Variants in FAM72B observed in about 807,000 individuals in gnomAD.
The protein encoded by FAM72B is RUMY family member 2.
A neutral mutation model predicts 12.6 loss-of-function variants in FAM72B; 4 were observed. The ratio of observed to expected loss-of-function variants is 0.32; its 90% confidence interval spans 0.16 to 0.73. The LOEUF is 0.73. Among genes scored for constraint, FAM72B ranks in the 30% least tolerant of loss-of-function variants. FAM72B has a pLI of 0.67. For missense variants in FAM72B, 61 were observed against 158.4 expected (o/e 0.39, Z 3.30); for synonymous variants, 13 against 53.9 (o/e 0.24, Z 3.32).
At position 121,183,506 on chromosome 1, in the gene FAM72B, T is replaced by C; in HGVS notation, c.-17A>G. The C allele has an allele frequency of 1.3e-6, 2 of 1,520,494 alleles. No homozygotes were observed. The highest frequency in any genetic ancestry group is 1.8e-6 in the Non-Finnish European group (2 of 1,138,122). The allele number at this position is 1,520,494 out of a possible 1,614,324, so 94.2% of individuals were successfully genotyped here. ...GGTAGACATGGCGTCGCAGGAAGGA[T>C]GAGGTGTGGGATTTTGAAAAAGGAA... is the stretch of plus-strand genomic sequence containing the variant. On this transcript the variant is annotated 5_prime_UTR_variant, in exon 1 of 4. Transcript: ENST00000369390.
chr1:121,173,184 A>ATTTT (rs199877959), intron 3 of FAM72B, among the ~76,000 whole-genome samples: 17 of 125,554 alleles, frequency 1.4e-4, no homozygotes, highest in African/African-American at 4.8e-4. Context: ...TACTAAAATA[A>ATTTT]TTTTTTTTTT....
At chr1:121,172,562 A>T (rs1422103085) in intron 3 of FAM72B, among the ~76,000 whole-genome samples, 3 of 146,818 alleles carry the variant, frequency 2.0e-5, no homozygotes, top group Non-Finnish European at 4.4e-5. Context: ...CAGGAGGTCG[A>T]GACCAGCCTG....
At chr1:121,180,948 T>C (rs376831122) in intron 2 of FAM72B, among the ~76,000 whole-genome samples, 1,614 of 152,274 alleles carry the variant, frequency 0.011, 18 homozygotes, top group South Asian at 0.037. Flanking sequence ...CAAGATCACA[T>C]AGAGAGTAAG....
intron 2 of FAM72B, among the ~76,000 whole-genome samples, chr1:121,179,769 A>T (rs1402723565): frequency 2.8e-5 from 4 of 144,330 alleles, no homozygotes; most frequent in Admixed American, 2.7e-4. Flanking sequence ...CGGAGGTTGC[A>T]GTAAGCTGAG....
Position 121,183,578 on chromosome 1 carries a change from A to C in FAM72B, c.-89T>G. The C allele has an allele frequency of 6.2e-7, 1 of 1,610,304 alleles. No homozygotes were observed. On this transcript the variant is annotated 5_prime_UTR_variant, in exon 1 of 4. Coordinates refer to ENST00000369390, the MANE Select transcript of FAM72B (RefSeq NM_001100910.2). ...TTTTGATTCCCCTAGGCTAAAATTCAAGTTGCGGGACCTAGAGCTTTTCTA... is the reference window on the plus strand; with the variant it reads ...TTTTGATTCCCCTAGGCTAAAATTCCAGTTGCGGGACCTAGAGCTTTTCTA...
At chr1:121,174,325 G>A (rs1476340480) in intron 3 of FAM72B, among the ~76,000 whole-genome samples, 1 of 151,578 alleles carries the variant, frequency 6.6e-6, no homozygotes, top group Non-Finnish European at 1.5e-5. Flanking sequence ...CTAAGATTAT[G>A]GATGAAGGTG....
intron 3 of FAM72B, among the ~76,000 whole-genome samples, chr1:121,175,138 G>A (rs1351042652): frequency 2.0e-5 from 3 of 151,996 alleles, no homozygotes; most frequent in Admixed American, 6.6e-5. Context: ...AAATTTCTAG[G>A]GTTCTTAGGA....
chr1:121,174,930 G>A (rs1362828229), intron 3 of FAM72B, among the ~76,000 whole-genome samples: 1 of 152,092 alleles, frequency 6.6e-6, no homozygotes, highest in African/African-American at 2.4e-5. Flanking sequence ...TTATAGGCGT[G>A]AACCACTGCA....
intron 2 of FAM72B, among the ~76,000 whole-genome samples, chr1:121,180,633 G>A (rs1258861040): frequency 6.6e-6 from 1 of 151,754 alleles, no homozygotes; most frequent in African/African-American, 2.4e-5. Context: ...GCTGAGGAGA[G>A]AGGATCACTT....
At chr1:121,180,840 C>T (rs1654317938) in intron 2 of FAM72B, among the ~76,000 whole-genome samples, 1 of 151,978 alleles carries the variant, frequency 6.6e-6, no homozygotes, top group African/African-American at 2.4e-5. Context: ...GCCTGAGCAA[C>T]AGTATGAGAC....
At chr1:121,182,026 A>G (rs587605882) in intron 1 of FAM72B, among the ~76,000 whole-genome samples, 5 of 152,240 alleles carry the variant, frequency 3.3e-5, no homozygotes, top group African/African-American at 1.2e-4. Context: ...TGACTGCCCT[A>G]TTACTTACCA....
chr1:121,180,313 A>G (rs1398898940), intron 2 of FAM72B, among the ~76,000 whole-genome samples: 2 of 94,054 alleles, frequency 2.1e-5, no homozygotes, highest in African/African-American at 5.4e-5. Context: ...AGGCCGAGGC[A>G]GGCGGATCAC....
chr1:121,181,749 A>G (rs1389884392), intron 1 of FAM72B, among the ~76,000 whole-genome samples: 1 of 151,970 alleles, frequency 6.6e-6, no homozygotes, highest in Non-Finnish European at 1.5e-5. Flanking sequence ...CGCTTGATTT[A>G]GCACAAATTT....
chr1:121,170,176 G>T (rs1570677965), intron 3 of FAM72B, among the ~76,000 whole-genome samples: 1 of 149,906 alleles, frequency 6.7e-6, no homozygotes, highest in East Asian at 2.0e-4. Flanking sequence ...TCACCACGTT[G>T]GTCAGGGTGG....
In FAM72B at chr1:121,177,225, T is replaced by C. The variant is rs1654232142; in HGVS notation, c.338A>G (p.Asn113Ser). 1 of 1,610,554 alleles carries C rather than the reference T, an allele frequency of 6.2e-7. No individual in the cohort carries two copies. The highest frequency in any genetic ancestry group is 1.1e-5 in the South Asian group (1 of 90,900). ...TTTCTTACCTGTGGAGTCTAGTCTG[T>C]TAATATCATAAACTGCCTGGCTGTG... ...MFHSQAVYDI[N>S]RLDSTGVNIL... The change falls in exon 3 of 4, where the codon AAC (asparagine) becomes AGC (serine). Residue 113 changes from asparagine to serine, a missense_variant. Asn to Ser is a conservative substitution (Grantham distance 46, BLOSUM62 1). Around this residue, in one of 2 missense-constraint regions of FAM72B, gnomAD observed 49 missense variants for 80.4 expected, o/e 0.61. Coordinates refer to ENST00000369390, the MANE Select transcript of FAM72B (RefSeq NM_001100910.2).
chr1:121,179,407 A>C (rs1654282454), intron 2 of FAM72B, among the ~76,000 whole-genome samples: 2 of 148,376 alleles, frequency 1.3e-5, no homozygotes, highest in South Asian at 2.2e-4. Context: ...GTCGTTGCCC[A>C]GGTGCGGTGG....
At chr1:121,178,682 G>C (rs1174044183) in intron 2 of FAM72B, among the ~76,000 whole-genome samples, 1 of 151,562 alleles carries the variant, frequency 6.6e-6, no homozygotes, top group Non-Finnish European at 1.5e-5. Flanking sequence ...CACTGCTCTA[G>C]GTGCTAGGAA....
chr1:121,179,505 G>A (rs587723577), intron 2 of FAM72B, among the ~76,000 whole-genome samples: 15 of 151,768 alleles, frequency 9.9e-5, no homozygotes, highest in Non-Finnish European at 2.1e-4. Flanking sequence ...CTAACATGGC[G>A]AAATCCCGTC....
Position 121,174,511 on chromosome 1 carries a change from G to A in FAM72B, c.355+2697C>T, listed in dbSNP as rs1206605460. On this transcript the variant is annotated intron_variant, in intron 3 of 3. Coordinates refer to ENST00000369390, the MANE Select transcript of FAM72B (RefSeq NM_001100910.2). Reference sequence around the variant, plus strand: ...GCCTCCCAAGTAGCTGGGATTATAGGCATGCGCCACCATGCCCAGCTAATT... The same window carrying A: ...GCCTCCCAAGTAGCTGGGATTATAGACATGCGCCACCATGCCCAGCTAATT... 2.8e-5 allele frequency among the ~76,000 whole-genome samples: 4 copies of A among 145,266 alleles called. 1 individual carries two copies. In the South Asian group the frequency reaches 6.4e-4, roughly 23 times the overall value.
Sources: allele counts gnomAD v4.1 joint callset (sites outside exome capture counted in the v4.1 genomes callset), GRCh38; gene constraint gnomAD v4.1.1; regional missense constraint gnomAD v4.1.1; transcripts MANE v1.5; gene names NCBI Gene and HGNC (gene_info 2026-07-23, HGNC 2026-07-21).